Variants in ENTREP2 observed in about 807,000 individuals in gnomAD.
ENTREP2 encodes the protein endosomal transmembrane epsin interactor 2, also known as protein ENTREP2.
chr15:29,493,456 G>T, the ENTREP2 span, among the ~76,000 whole-genome samples: 1 of 151,968 alleles, frequency 6.6e-6, no homozygotes, highest in African/African-American at 2.4e-5. Flanking sequence ...ACCTCATAAA[G>T]AGAAGCTATG....
chr15:29,648,400 C>A, the ENTREP2 span, among the ~76,000 whole-genome samples: 1 of 152,212 alleles, frequency 6.6e-6, no homozygotes, highest in Non-Finnish European at 1.5e-5. Flanking sequence ...TCTGCAAGCC[C>A]ATTAGCTCAG....
the ENTREP2 span, chr15:29,126,375 CA>C: frequency 1.9e-6 from 3 of 1,544,636 alleles, no homozygotes; most frequent in Non-Finnish European, 2.6e-6. Context: ...GACACATGGC[CA>C]GGGGGAAGGG....
the ENTREP2 span, among the ~76,000 whole-genome samples, chr15:29,425,410 C>A: frequency 6.6e-6 from 1 of 152,120 alleles, no homozygotes; most frequent in Non-Finnish European, 1.5e-5. Flanking sequence ...TTTGATCATA[C>A]GTGGACAGTC....
the ENTREP2 span, among the ~76,000 whole-genome samples, chr15:29,383,816 C>T: frequency 1.5e-4 from 23 of 152,182 alleles, no homozygotes; most frequent in Admixed American, 6.5e-5. Context: ...AAAGCACGCA[C>T]ACCAGGGCTC....
chr15:29,469,477 G>A, the ENTREP2 span, among the ~76,000 whole-genome samples: 1 of 152,232 alleles, frequency 6.6e-6, no homozygotes, highest in Non-Finnish European at 1.5e-5. Flanking sequence ...TAGGATTACA[G>A]GCATGAGCCA....
chr15:29,164,581 G>A, the ENTREP2 span, among the ~76,000 whole-genome samples: 1 of 152,166 alleles, frequency 6.6e-6, no homozygotes, highest in Non-Finnish European at 1.5e-5. Context: ...AAGAGACAAA[G>A]TGGGACATTA....
the ENTREP2 span, among the ~76,000 whole-genome samples, chr15:29,444,170 C>CACGAAAGAAAG: frequency 5.6e-5 from 4 of 71,550 alleles, no homozygotes; most frequent in African/African-American, 1.7e-4. Flanking sequence ...GAAAGACAGA[C>CACGAAAGAAAG]AAAGAAAGAA....
the ENTREP2 span, among the ~76,000 whole-genome samples, chr15:29,185,226 T>C: frequency 6.6e-6 from 1 of 152,144 alleles, no homozygotes; most frequent in Non-Finnish European, 1.5e-5. Context: ...ACAATTGTGC[T>C]CCACTCCCCT....
the ENTREP2 span, among the ~76,000 whole-genome samples, chr15:29,446,438 C>T: frequency 6.6e-6 from 1 of 152,048 alleles, no homozygotes; most frequent in African/African-American, 2.4e-5. Context: ...TTCTTGCTGC[C>T]TGGAAGACAG....
At chr15:29,519,176 C>A in the ENTREP2 span, among the ~76,000 whole-genome samples, 1 of 151,896 alleles carries the variant, frequency 6.6e-6, no homozygotes. Context: ...CACACACACA[C>A]ATACACACAC....
chr15:29,322,174 T>C, the ENTREP2 span, among the ~76,000 whole-genome samples: 1 of 152,166 alleles, frequency 6.6e-6, no homozygotes, highest in African/African-American at 2.4e-5. Flanking sequence ...CTTATATATA[T>C]GTATTATGCA....
At chr15:29,390,905 C>A in the ENTREP2 span, among the ~76,000 whole-genome samples, 1 of 152,132 alleles carries the variant, frequency 6.6e-6, no homozygotes, top group Non-Finnish European at 1.5e-5. Flanking sequence ...ACAGAGATAT[C>A]AATTTACCAC....
chr15:29,456,808 G>C, the ENTREP2 span, among the ~76,000 whole-genome samples: 3 of 152,238 alleles, frequency 2.0e-5, no homozygotes, highest in Non-Finnish European at 4.4e-5. Flanking sequence ...TCAGCAAAGA[G>C]TGGTGTGTGC....
At chr15:29,131,412 C>G in the ENTREP2 span, among the ~76,000 whole-genome samples, 7 of 151,618 alleles carry the variant, frequency 4.6e-5, no homozygotes, top group Non-Finnish European at 8.8e-5. Context: ...CCTAAAGCAT[C>G]ACTGGGTCGC....
the ENTREP2 span, among the ~76,000 whole-genome samples, chr15:29,320,109 A>G: frequency 6.6e-6 from 1 of 152,276 alleles, no homozygotes; most frequent in Non-Finnish European, 1.5e-5. Context: ...CACCTAAGGC[A>G]GGAATAAAAG....
chr15:29,424,193 G>A, the ENTREP2 span, among the ~76,000 whole-genome samples: 4 of 152,186 alleles, frequency 2.6e-5, no homozygotes, highest in African/African-American at 9.7e-5. Context: ...GCAACAGCAA[G>A]CTTTATTGCC....
At chr15:29,577,201 A>T in the ENTREP2 span, among the ~76,000 whole-genome samples, 1 of 152,094 alleles carries the variant, frequency 6.6e-6, no homozygotes, top group Non-Finnish European at 1.5e-5. Context: ...TCTGGTGGGA[A>T]TGTAAAATGG....
the ENTREP2 span, chr15:29,269,112 G>A: frequency 1.2e-6 from 2 of 1,614,096 alleles, no homozygotes; most frequent in Non-Finnish European, 1.7e-6. Context: ...GAAAGTCCCA[G>A]GCTTCAGTTT....
At chr15:29,490,742 T>C in the ENTREP2 span, among the ~76,000 whole-genome samples, 2 of 152,180 alleles carry the variant, frequency 1.3e-5, no homozygotes, top group African/African-American at 4.8e-5. Context: ...CTGGTGCATA[T>C]ACAATCCTCC....
Sources: gnomAD v4.1 joint callset for allele counts (sites outside exome capture counted in the v4.1 genomes callset) on GRCh38, gnomAD v4.1.1 for gene constraint, MANE v1.5 for transcripts, NCBI Gene and HGNC (gene_info 2026-07-23, HGNC 2026-07-21) for gene names.